Variants in SPRED2 observed in about 807,000 individuals in gnomAD.
SPRED2 encodes the protein sprouty related EVH1 domain containing 2, also known as sprouty-related, EVH1 domain-containing protein 2.
A neutral mutation model predicts 43.0 loss-of-function variants in SPRED2; 47 were observed. The observed-to-expected ratio is 1.09, with a 90% CI of 0.87 to 1.40. The LOEUF (loss-of-function observed/expected upper bound fraction) is 1.40, where lower values mean the gene tolerates loss of function less well. Ranked by LOEUF, SPRED2 falls within the 40% of genes most tolerant of loss-of-function variation. The pLI, the probability that SPRED2 is intolerant of heterozygous loss-of-function variation, is 0.00. For missense variants in SPRED2, 561 were observed against 586.4 expected, an observed-to-expected ratio of 0.96 and a Z score of 0.45; for synonymous variants, 225 against 225.7, an observed-to-expected ratio of 1.00 and a Z score of 0.03.
rs148891946 is a variant in SPRED2 at position 65,359,228 on chromosome 2, C to T, written c.27-14332G>A. On this transcript the variant is annotated intron_variant, in intron 1 of 5. Coordinates refer to ENST00000356388, the MANE Select transcript of SPRED2 (RefSeq NM_181784.3). ...TTGTCCTACAAGCGCAATTTCCTTC[C>T]GAGTTATAACAAGACAGAGCCATCC... Among the ~76,000 whole-genome samples the T allele has an allele frequency of 5.1e-3, 782 of 152,234 alleles. 21 individuals are homozygous for T. The highest frequency in any genetic ancestry group is 0.037 in the Admixed American group (570 of 15,280).
At chr2:65,357,686 C>A (rs1243801158) in intron 1 of SPRED2, among the ~76,000 whole-genome samples, 1 of 152,188 alleles carries the variant, frequency 6.6e-6, no homozygotes. Flanking sequence ...GAAGAGGTAA[C>A]ACTGGCAACA....
At chr2:65,401,119 C>A (rs1675875468) in intron 1 of SPRED2, among the ~76,000 whole-genome samples, 1 of 152,018 alleles carries the variant, frequency 6.6e-6, no homozygotes, top group Non-Finnish European at 1.5e-5. Context: ...AGACGTACCA[C>A]ACCACGCCTG....
At chr2:65,310,666 G>T (rs1673044659), downstream of SPRED2, among the ~76,000 whole-genome samples, 2 of 152,164 alleles carry the variant, frequency 1.3e-5, no homozygotes, top group Non-Finnish European at 2.9e-5. Context: ...AGCCCAAGGA[G>T]CTGCAGTCTC....
At chr2:65,424,848 A>G (rs1188243806) in intron 1 of SPRED2, among the ~76,000 whole-genome samples, 1 of 152,108 alleles carries the variant, frequency 6.6e-6, no homozygotes, top group Non-Finnish European at 1.5e-5. Context: ...GCTACTCAGG[A>G]GGCCAAGGCA....
chr2:65,370,258 G>A (rs886133424), intron 1 of SPRED2, among the ~76,000 whole-genome samples: 4 of 152,132 alleles, frequency 2.6e-5, no homozygotes, highest in Non-Finnish European at 5.9e-5. Context: ...GTATAAATGC[G>A]ACCATTCGCA....
intron 1 of SPRED2, among the ~76,000 whole-genome samples, chr2:65,345,766 TTC>T (rs1674334250): frequency 6.6e-6 from 1 of 152,232 alleles, no homozygotes; most frequent in African/African-American, 2.4e-5. Flanking sequence ...ATTTGTAGAC[TTC>T]TGTTTATGAT....
chr2:65,387,815 G>C (rs1415223608), intron 1 of SPRED2, among the ~76,000 whole-genome samples: 2 of 142,940 alleles, frequency 1.4e-5, no homozygotes, highest in East Asian at 4.0e-4. Context: ...TTTTTTTTTT[G>C]AGAGTTTGGC....
chr2:65,384,615 C>T (rs1675449027), intron 1 of SPRED2, among the ~76,000 whole-genome samples: 2 of 152,166 alleles, frequency 1.3e-5, no homozygotes. Context: ...TTCCCCACAC[C>T]TCCCTTAGAC....
chr2:65,431,062 G>C (rs772882761), intron 1 of SPRED2, among the ~76,000 whole-genome samples: 8 of 151,968 alleles, frequency 5.3e-5, no homozygotes, highest in Non-Finnish European at 1.0e-4. Flanking sequence ...CGCGAGGCAG[G>C]AGGCAGCTGC....
At chr2:65,318,466 C>T (rs1311487401) in intron 4 of SPRED2, among the ~76,000 whole-genome samples, 1 of 151,608 alleles carries the variant, frequency 6.6e-6, no homozygotes, top group Non-Finnish European at 1.5e-5. Flanking sequence ...CCAGGACCCC[C>T]AGAATCCCTA....
downstream of SPRED2, among the ~76,000 whole-genome samples, chr2:65,309,505 CAAAAAAAAAA>C (rs35507211): frequency 1.7e-5 from 1 of 60,014 alleles, no homozygotes; most frequent in Non-Finnish European, 3.0e-5. Flanking sequence ...GACCCTGTCT[CAAAAAAAAAA>C]AAAAAAAAAA....
chr2:65,309,155 T>TC (rs1324340999), downstream of SPRED2, among the ~76,000 whole-genome samples: 1 of 63,366 alleles, frequency 1.6e-5, no homozygotes, highest in Non-Finnish European at 3.1e-5. Context: ...AAACTCAGTC[T>TC]CAAAAAAAAA....
intron 1 of SPRED2, among the ~76,000 whole-genome samples, chr2:65,384,265 C>T (rs1190439962): frequency 6.6e-6 from 1 of 152,064 alleles, no homozygotes; most frequent in Non-Finnish European, 1.5e-5. Context: ...GTCTCACAGC[C>T]TCCAGTGCCC....
At chr2:65,423,182 G>A (rs1287349897) in intron 1 of SPRED2, among the ~76,000 whole-genome samples, 8 of 152,204 alleles carry the variant, frequency 5.3e-5, no homozygotes, top group Admixed American at 5.2e-4. Flanking sequence ...CATAAGCCAA[G>A]TGACTCCTAA....
intron 5 of SPRED2, 57 bp downstream of exon 5, chr2:65,316,677 A>T: frequency 6.4e-7 from 1 of 1,557,690 alleles, no homozygotes; most frequent in South Asian, 1.2e-5. Flanking sequence ...GAAAGAGGCC[A>T]TTCCAGAATC....
chr2:65,313,134 A>G lies in SPRED2; in HGVS notation c.*367T>C, dbSNP rs373800532. 478 of 1,011,046 alleles carry G rather than the reference A, an allele frequency of 4.7e-4. 2 individuals are homozygous for G. The Middle Eastern group carries it at 7.4e-3, about 16-fold the overall frequency. 62.6% of individuals were successfully genotyped at this position (1,011,046 alleles called of 1,614,324 possible). On this transcript the variant is annotated 3_prime_UTR_variant, in exon 6 of 6. Coordinates refer to ENST00000356388, the MANE Select transcript of SPRED2 (RefSeq NM_181784.3). ...AAACCCACCGAAAATCAGCAGTTCC[A>G]ATTGCAGACTCCTTTGAACTGGAAG...
intron 4 of SPRED2, among the ~76,000 whole-genome samples, chr2:65,322,294 A>ATTTTTTTTTTTTT (rs1178902612): frequency 1.5e-5 from 1 of 64,930 alleles, no homozygotes; most frequent in African/African-American, 7.1e-5. Context: ...ATATATATAT[A>ATTTTTTTTTTTTT]TTTTTTTTTT....
chr2:65,307,190 AC>A (rs1326938380), downstream of SPRED2, among the ~76,000 whole-genome samples: 2 of 152,060 alleles, frequency 1.3e-5, no homozygotes, highest in South Asian at 2.1e-4. Flanking sequence ...ATATTATATG[AC>A]ATTTTATTTA....
chr2:65,396,549 G>C (rs960607121), intron 1 of SPRED2, among the ~76,000 whole-genome samples: 1 of 152,208 alleles, frequency 6.6e-6, no homozygotes, highest in African/African-American at 2.4e-5. Flanking sequence ...CAAATTTTTG[G>C]AGCAAAGGCA....
Sources: allele counts gnomAD v4.1 joint callset (sites outside exome capture counted in the v4.1 genomes callset), GRCh38; gene constraint gnomAD v4.1.1; transcripts MANE v1.5; gene names NCBI Gene and HGNC (gene_info 2026-07-23, HGNC 2026-07-21).